The following TMEM164 variants were observed in gnomAD, a reference collection of about 807,000 sequenced individuals.
TMEM164 encodes RP13-360B22.2.
A neutral mutation model predicts 18.8 loss-of-function variants in TMEM164; 4 were observed. That is an observed-to-expected ratio of 0.21 (90% CI 0.10 to 0.49). The LOEUF is 0.49. Among genes scored for constraint, TMEM164 ranks in the 20% least tolerant of loss-of-function variants. The pLI, the probability that TMEM164 is intolerant of heterozygous loss-of-function variation, is 0.98. For synonymous variants in TMEM164, 86 were observed against 101.7 expected (o/e 0.85, Z 0.93); for missense variants, 108 against 239.9 (o/e 0.45, Z 3.63).
chrX:110,018,932 C>T (rs1449743187), intron 2 of TMEM164, among the ~76,000 whole-genome samples: 1 of 112,204 alleles, frequency 8.9e-6, no homozygotes, highest in Non-Finnish European at 1.9e-5. Context: ...GAACAATCAT[C>T]ATGTCTTGAG....
intron 2 of TMEM164, among the ~76,000 whole-genome samples, chrX:110,014,744 C>CTTTTTTTTTTTTTTTTTTTTTTTTTTT (rs142705177): frequency 2.0e-4 from 11 of 54,210 alleles, no homozygotes; most frequent in Non-Finnish European, 2.9e-4. Flanking sequence ...TTGGTTGTTT[C>CTTTTTTTTTTTTTTTTTTTTTTTTTTT]TTTTTTTTTT....
chrX:110,142,622 G>T (rs2066785900), intron 4 of TMEM164, among the ~76,000 whole-genome samples: 1 of 112,902 alleles, frequency 8.9e-6, no homozygotes, highest in Non-Finnish European at 1.9e-5. Context: ...ATAGTTCATG[G>T]CATAAAAGAA....
At chrX:110,014,744 C>CTTTTTTTTTTTTTTTTTTTTGTTTTTTTT in intron 2 of TMEM164, among the ~76,000 whole-genome samples, 1 of 54,239 alleles carries the variant, frequency 1.8e-5, no homozygotes, top group Non-Finnish European at 3.2e-5. Flanking sequence ...TTGGTTGTTT[C>CTTTTTTTTTTTTTTTTTTTTGTTTTTTTT]TTTTTTTTTT....
intron 3 of TMEM164, among the ~76,000 whole-genome samples, chrX:110,105,175 A>ACCATCCAT (rs55889712): frequency 7.3e-4 from 65 of 89,009 alleles, no homozygotes; most frequent in East Asian, 2.0e-3. Context: ...CTTCCATCCA[A>ACCATCCAT]CCATCCATCC....
chrX:110,135,927 G>T (rs1476353942), intron 4 of TMEM164, among the ~76,000 whole-genome samples: 2 of 111,510 alleles, frequency 1.8e-5, no homozygotes, highest in Non-Finnish European at 3.8e-5. Context: ...CCACAATTAA[G>T]AAAATTATCA....
intron 5 of TMEM164, among the ~76,000 whole-genome samples, chrX:110,151,048 C>CTTTTAAAT (rs1364866697): frequency 8.9e-6 from 1 of 112,127 alleles, no homozygotes; most frequent in Non-Finnish European, 1.9e-5. Flanking sequence ...GGATTTGAAG[C>CTTTTAAAT]CAGTAGTATG....
chrX:110,150,391 G>T (rs2066922965), intron 5 of TMEM164, among the ~76,000 whole-genome samples: 1 of 112,226 alleles, frequency 8.9e-6, no homozygotes, highest in Non-Finnish European at 1.9e-5. Context: ...ATGGTCAGGG[G>T]TTTGGCCTTG....
chrX:110,109,331 G>A (rs2066259100), intron 4 of TMEM164, among the ~76,000 whole-genome samples, 185 bp downstream of exon 4: 1 of 111,665 alleles, frequency 9.0e-6, no homozygotes, highest in African/African-American at 3.3e-5. Context: ...CAGTCTGGCC[G>A]ACATGGTGAA....
intron 5 of TMEM164, among the ~76,000 whole-genome samples, chrX:110,161,812 G>A (rs2067097560): frequency 8.9e-6 from 1 of 112,267 alleles, no homozygotes; most frequent in Non-Finnish European, 1.9e-5. Flanking sequence ...AGATTCCAGG[G>A]CCCACTCAGA....
At chrX:110,025,278 C>T (rs772573572) in intron 2 of TMEM164, among the ~76,000 whole-genome samples, 17 of 112,016 alleles carry the variant, frequency 1.5e-4, no homozygotes, top group Admixed American at 6.6e-4. Flanking sequence ...GGCATACAGT[C>T]AGTGCTACAC....
At chrX:110,063,782 G>A (rs766346570) in intron 2 of TMEM164, among the ~76,000 whole-genome samples, 2 of 111,369 alleles carry the variant, frequency 1.8e-5, no homozygotes, top group South Asian at 7.6e-4. Context: ...CTATGTAAAT[G>A]CAATTTGCTG....
intron 5 of TMEM164, among the ~76,000 whole-genome samples, chrX:110,167,993 G>A (rs897338537): frequency 8.9e-5 from 10 of 112,024 alleles, no homozygotes; most frequent in Non-Finnish European, 1.9e-4. Flanking sequence ...CTGCCTCCTG[G>A]CTGAGGACAC....
intron 2 of TMEM164, among the ~76,000 whole-genome samples, chrX:110,033,958 C>T (rs1458524836): frequency 9.0e-6 from 1 of 110,899 alleles, no homozygotes; most frequent in Non-Finnish European, 1.9e-5. Context: ...TTTGTATTCC[C>T]CCCCGCCCCA....
chrX:110,082,371 G>A (rs996092237), intron 3 of TMEM164, among the ~76,000 whole-genome samples: 1 of 111,793 alleles, frequency 8.9e-6, no homozygotes, highest in Non-Finnish European at 1.9e-5. Context: ...ATGCAGTGCT[G>A]TTCTGTATCT....
chrX:110,087,939 A>C (rs2065876723), intron 3 of TMEM164, among the ~76,000 whole-genome samples: 1 of 111,743 alleles, frequency 8.9e-6, no homozygotes, highest in Non-Finnish European at 1.9e-5. Flanking sequence ...TGTAGGCTGC[A>C]TGTGAGCCAA....
chrX:110,171,677 C>T (rs1157730564), intron 6 of TMEM164, among the ~76,000 whole-genome samples, 157 bp downstream of exon 6: 2 of 112,453 alleles, frequency 1.8e-5, no homozygotes, highest in African/African-American at 6.5e-5. Context: ...GATTTATGAT[C>T]TACAGCCTTG....
chrX:110,155,025 A>C (rs745639810), intron 5 of TMEM164, among the ~76,000 whole-genome samples: 1 of 111,909 alleles, frequency 8.9e-6, no homozygotes, highest in Admixed American at 9.4e-5. Context: ...TTGTATAATT[A>C]TTAATTACCC....
intron 2 of TMEM164, among the ~76,000 whole-genome samples, chrX:110,060,228 A>G (rs1335889448): frequency 9.6e-6 from 1 of 103,962 alleles, no homozygotes; most frequent in Non-Finnish European, 2.0e-5. Flanking sequence ...GATCACACCA[A>G]TGCACTCCAG....
intron 3 of TMEM164, among the ~76,000 whole-genome samples, chrX:110,082,972 A>G (rs1272949892): frequency 2.7e-5 from 3 of 111,778 alleles, no homozygotes; most frequent in African/African-American, 9.7e-5. Context: ...ACATATATAA[A>G]GAGTGTTAAT....
Sources: allele counts gnomAD v4.1 joint callset (sites outside exome capture counted in the v4.1 genomes callset), GRCh38; gene constraint gnomAD v4.1.1; transcripts MANE v1.5; gene names NCBI Gene and HGNC (gene_info 2026-07-23, HGNC 2026-07-21).